Variants in SPAG16 observed in about 807,000 individuals in gnomAD.
SPAG16 encodes sperm associated antigen 16, also known as sperm-associated antigen 16 protein.
In SPAG16, 86 loss-of-function variants were observed where a neutral mutation model predicts 80.4. The ratio of observed to expected loss-of-function variants is 1.07; its 90% confidence interval spans 0.90 to 1.28. SPAG16 has a LOEUF of 1.28. Among genes scored for constraint, SPAG16 ranks in the 50% most tolerant of loss-of-function variants. SPAG16 has a pLI of 0.00. For synonymous variants in SPAG16, 294 were observed against 265.9 expected, an observed-to-expected ratio of 1.11 and a Z score of -1.03; for missense variants, 870 against 765.3, an observed-to-expected ratio of 1.14 and a Z score of -1.61.
intron 15 of SPAG16, among the ~76,000 whole-genome samples, chr2:214,194,954 A>C (rs7576252): frequency 0.19 from 28,844 of 152,084 alleles, 3,185 homozygotes; most frequent in South Asian, 0.27. Flanking sequence ...GGGATGAATA[A>C]GTAAAACATA....
At chr2:214,216,350 T>G (rs930055676) in intron 15 of SPAG16, among the ~76,000 whole-genome samples, 1 of 151,904 alleles carries the variant, frequency 6.6e-6, no homozygotes, top group African/African-American at 2.4e-5. Context: ...TGAGATGGAG[T>G]CTTGCTCTGT....
At chr2:213,857,683 C>T (rs2075235868) in intron 10 of SPAG16, among the ~76,000 whole-genome samples, 1 of 152,214 alleles carries the variant, frequency 6.6e-6, no homozygotes, top group South Asian at 2.1e-4. Flanking sequence ...ATCAATTCTG[C>T]TTCCCGTGGG....
chr2:214,410,484 A>AAAAT lies in SPAG16; in HGVS notation c.*172_*175dup. Reference sequence around the variant, plus strand: ...TAGTGCTCATACTGTTACTAATAAAAAAATAACTTTATGCTCACCCATTTG... The same window carrying AAAAT: ...TAGTGCTCATACTGTTACTAATAAAAAAATAAATAACTTTATGCTCACCCATTTG... On this transcript the variant is annotated 3_prime_UTR_variant, in exon 16 of 16. Coordinates refer to ENST00000331683, the MANE Select transcript of SPAG16 (RefSeq NM_024532.5). 1 of 517,734 alleles carries AAAAT rather than the reference A, an allele frequency of 1.9e-6. No individual in the cohort carries two copies. Among genetic ancestry groups the AAAAT allele is most frequent in the East Asian group, 3.2e-5 (1 of 31,366 alleles). 32.1% of individuals were successfully genotyped at this position (517,734 alleles called of 1,614,324 possible). A position where few individuals can be genotyped will look rare whatever the true frequency, so the allele number is the denominator to read the frequency against.
At chr2:214,380,348 A>T (rs1700376402) in intron 15 of SPAG16, among the ~76,000 whole-genome samples, 1 of 152,210 alleles carries the variant, frequency 6.6e-6, no homozygotes, top group Non-Finnish European at 1.5e-5. Context: ...AATCTTCAAG[A>T]AAATGCCTAA....
chr2:213,660,985 TG>T (rs1285745893), intron 10 of SPAG16, among the ~76,000 whole-genome samples: 3 of 152,178 alleles, frequency 2.0e-5, no homozygotes, highest in Non-Finnish European at 4.4e-5. Context: ...TCCCACTTTA[TG>T]CACTCTTAAC....
chr2:214,359,695 A>T (rs1488401050), intron 15 of SPAG16, among the ~76,000 whole-genome samples: 1 of 151,908 alleles, frequency 6.6e-6, no homozygotes, highest in Non-Finnish European at 1.5e-5. Flanking sequence ...AAGAGAAATA[A>T]GTGATGAGAG....
chr2:213,925,251 C>T (rs2106224659), intron 11 of SPAG16, among the ~76,000 whole-genome samples: 1 of 151,956 alleles, frequency 6.6e-6, no homozygotes, highest in East Asian at 1.9e-4. Context: ...CTATTTCTTC[C>T]CTTTCAGATC....
At chr2:213,879,293 C>A (rs1438099993) in intron 11 of SPAG16, among the ~76,000 whole-genome samples, 1 of 151,372 alleles carries the variant, frequency 6.6e-6, no homozygotes, top group African/African-American at 2.4e-5. Flanking sequence ...GATGGTTTTC[C>A]ATTTGCCCGT....
Position 213,609,979 on chromosome 2 carries a change from T to TCATG in SPAG16, c.1070+119890_1070+119893dup, listed in dbSNP as rs1227046857. ...TCAATTAGGGATTAGTCAGGCCAGG[T>TCATG]CATGGTTGGCTAAGGCTCCTGGCTG... On this transcript the variant is annotated intron_variant, in intron 10 of 15. Transcript: ENST00000331683. Among the ~76,000 whole-genome samples the TCATG allele has an allele frequency of 5.3e-5, 8 of 152,234 alleles. No homozygotes were observed. The East Asian group carries it at 1.4e-3, about 26-fold the overall frequency.
In SPAG16 at chr2:213,578,349, C is replaced by G. The variant is rs140130885; in HGVS notation, c.1070+88259C>G. 5.9e-5 allele frequency among the ~76,000 whole-genome samples: 9 copies of G among 152,186 alleles called. No individual in the cohort carries two copies. In the East Asian group the frequency reaches 1.7e-3, roughly 29 times the overall value. On this transcript the variant is annotated intron_variant, in intron 10 of 15. Coordinates refer to ENST00000331683, the MANE Select transcript of SPAG16 (RefSeq NM_024532.5). The stretch of plus-strand genomic sequence containing the variant: ...AGTTGTTTAAAGTGTGAGAAAACTA[C>G]TTTGTAAATTAATGTCAACTGAAAA...
At chr2:213,809,962 TA>T (rs2072026363) in intron 10 of SPAG16, among the ~76,000 whole-genome samples, 1 of 152,160 alleles carries the variant, frequency 6.6e-6, no homozygotes, top group Admixed American at 6.5e-5. Flanking sequence ...GAGGTTAGTT[TA>T]GATGATAAAC....
chr2:213,589,879 G>A (rs148877198), intron 10 of SPAG16, among the ~76,000 whole-genome samples: 18 of 149,394 alleles, frequency 1.2e-4, no homozygotes, highest in African/African-American at 2.5e-4. Flanking sequence ...CCGAGATCGC[G>A]CCATTGCACT....
At chr2:214,218,550 C>T (rs1426181841) in intron 15 of SPAG16, among the ~76,000 whole-genome samples, 1 of 152,170 alleles carries the variant, frequency 6.6e-6, no homozygotes, top group African/African-American at 2.4e-5. Flanking sequence ...GGTCTGTACT[C>T]ATTTGGCAGA....
intron 9 of SPAG16, among the ~76,000 whole-genome samples, chr2:213,467,309 TTGAGC>T: frequency 6.6e-6 from 1 of 152,292 alleles, no homozygotes; most frequent in South Asian, 2.1e-4. Context: ...CAATTTTCCC[TTGAGC>T]TGCCAAAACT....
At chr2:213,690,297 C>A (rs1053177320) in intron 10 of SPAG16, among the ~76,000 whole-genome samples, 1 of 152,164 alleles carries the variant, frequency 6.6e-6, no homozygotes, top group Non-Finnish European at 1.5e-5. Flanking sequence ...AGTCTGGAGG[C>A]TGGGAAGTCC....
At chr2:214,256,745 T>G (rs1419804250) in intron 15 of SPAG16, among the ~76,000 whole-genome samples, 1 of 151,940 alleles carries the variant, frequency 6.6e-6, no homozygotes, top group African/African-American at 2.4e-5. Flanking sequence ...TGAGTCTACT[T>G]TCTATTGCCT....
chr2:213,941,226 A>G (rs1031708885), intron 12 of SPAG16, among the ~76,000 whole-genome samples: 3 of 152,146 alleles, frequency 2.0e-5, no homozygotes, highest in South Asian at 2.1e-4. Flanking sequence ...TATGTCTTCA[A>G]TCCCTTCAAG....
chr2:213,463,957 G>A (rs956011959), intron 9 of SPAG16, among the ~76,000 whole-genome samples: 4 of 152,184 alleles, frequency 2.6e-5, no homozygotes, highest in Admixed American at 2.0e-4. Flanking sequence ...GAAGTACAGC[G>A]TATGATCCCT....
chr2:213,357,070 T>G (rs1429890341), intron 7 of SPAG16, among the ~76,000 whole-genome samples: 1 of 152,216 alleles, frequency 6.6e-6, no homozygotes, highest in South Asian at 2.1e-4. Context: ...TGAGTGAGTT[T>G]CTTAATCCTG....
Sources: allele counts gnomAD v4.1 joint callset (sites outside exome capture counted in the v4.1 genomes callset), GRCh38; gene constraint gnomAD v4.1.1; transcripts MANE v1.5; gene names NCBI Gene and HGNC (gene_info 2026-07-23, HGNC 2026-07-21).